Variants in CPXM2 observed in about 807,000 individuals in gnomAD.
CPXM2 encodes carboxypeptidase X, M14 family member 2, also known as inactive carboxypeptidase-like protein X2.
In CPXM2, 66 loss-of-function variants were observed where a neutral mutation model predicts 86.1. That is an observed-to-expected ratio of 0.77 (90% CI 0.63 to 0.94). The LOEUF is 0.94. Ranked by LOEUF, CPXM2 falls within the 40% of genes least tolerant of loss-of-function variation. The pLI, the probability that CPXM2 is intolerant of heterozygous loss-of-function variation, is 0.00. For synonymous variants in CPXM2, 388 were observed against 400.2 expected (o/e 0.97, Z 0.36); for missense variants, 948 against 1,026.3 (o/e 0.92, Z 1.04).
intron 2 of CPXM2, among the ~76,000 whole-genome samples, chr10:123,910,990 GTGTGTC>G (rs974293462): frequency 3.1e-4 from 47 of 152,182 alleles, no homozygotes; most frequent in African/African-American, 7.5e-4. Context: ...CACTCCCCTC[GTGTGTC>G]TGTGTCTGTG....
chr10:123,838,751 G>A (rs1461860566), intron 4 of CPXM2, among the ~76,000 whole-genome samples: 1 of 152,152 alleles, frequency 6.6e-6, no homozygotes, highest in Non-Finnish European at 1.5e-5. Context: ...GCTTGTCTTG[G>A]TGTGAATTCC....
intron 1 of CPXM2, among the ~76,000 whole-genome samples, chr10:123,882,383 G>T (rs1352591366): frequency 6.6e-6 from 1 of 152,152 alleles, no homozygotes; most frequent in Non-Finnish European, 1.5e-5. Context: ...CTGTGGGCGG[G>T]AACATCCCGG....
rs1945005383 is a variant in CPXM2 at position 123,877,381 on chromosome 10, T to A, written c.403+2830A>T. On this transcript the variant is annotated intron_variant, in intron 2 of 13. Coordinates refer to ENST00000241305, the MANE Select transcript of CPXM2 (RefSeq NM_198148.3). ...TGTATAACAAGCAACCCCTAACTCT[T>A]AATGGCACACAATTCGCATTTACTT... is the stretch of plus-strand genomic sequence containing the variant. 2.6e-5 allele frequency among the ~76,000 whole-genome samples: 4 copies of A among 152,362 alleles called. No homozygotes were observed. The South Asian group carries it at 8.3e-4, about 32-fold the overall frequency.
In CPXM2 at chr10:123,915,089, G is replaced by A. The variant is rs553834918; in HGVS notation, n.174+24388C>T. Among the ~76,000 whole-genome samples the A allele has an allele frequency of 2.9e-4, 44 of 152,094 alleles. No individual in the cohort carries two copies. The South Asian group carries it at 3.1e-3, about 11-fold the overall frequency. ...CTGATGCCTTCCTCACTTCTCCCCC[G>A]CCTAGATCCTTTCAGTTTCTCAAAT... is the stretch of plus-strand genomic sequence containing the variant. On this transcript the variant is annotated intron_variant and non_coding_transcript_variant, in intron 2 of 19. Transcript: ENST00000368854.
chr10:123,880,121 T>A, intron 2 of CPXM2, 90 bp downstream of exon 2: 1 of 683,484 alleles, frequency 1.5e-6, no homozygotes, highest in Non-Finnish European at 2.6e-6. Context: ...GAATCTGTAG[T>A]CAGGCTGCTG....
intron 1 of CPXM2, among the ~76,000 whole-genome samples, chr10:123,880,689 C>T (rs948033190): frequency 8.6e-5 from 13 of 151,868 alleles, no homozygotes; most frequent in South Asian, 2.1e-4. Context: ...ATTAGCCAGG[C>T]ATGGTGGCGG....
chr10:123,799,791 C>T (rs972700323), intron 4 of CPXM2, among the ~76,000 whole-genome samples: 2 of 152,150 alleles, frequency 1.3e-5, no homozygotes, highest in Non-Finnish European at 2.9e-5. Context: ...ATAAATACCC[C>T]CATCATCACA....
intron 8 of CPXM2, among the ~76,000 whole-genome samples, chr10:123,770,223 G>A (rs1028768842): frequency 2.6e-5 from 4 of 152,110 alleles, no homozygotes; most frequent in Non-Finnish European, 4.4e-5. Context: ...TCCATGAGCC[G>A]AGATTGTGCC....
intron 2 of CPXM2, among the ~76,000 whole-genome samples, chr10:123,907,839 G>C (rs1295955463): frequency 6.6e-6 from 1 of 151,866 alleles, no homozygotes; most frequent in African/African-American, 2.4e-5. Flanking sequence ...GGGACTAGGG[G>C]GATTGTGCTA....
intron 13 of CPXM2, among the ~76,000 whole-genome samples, chr10:123,749,800 G>A (rs756101542): frequency 2.6e-5 from 4 of 152,000 alleles, no homozygotes; most frequent in South Asian, 2.1e-4. Flanking sequence ...CCTAGAGTTC[G>A]TTTCTTGTTT....
chr10:123,793,765 T>C (rs954891263), intron 6 of CPXM2, among the ~76,000 whole-genome samples: 3 of 152,178 alleles, frequency 2.0e-5, no homozygotes, highest in African/African-American at 7.2e-5. Flanking sequence ...AGTCCAGGCC[T>C]GGGGACCAAA....
At chr10:123,864,933 AG>A (rs561255115) in intron 2 of CPXM2, among the ~76,000 whole-genome samples, 113 of 152,328 alleles carry the variant, frequency 7.4e-4, no homozygotes, top group African/African-American at 2.5e-3. Context: ...AGTGCCCCCA[AG>A]TGAGGTGTTT....
intron 12 of CPXM2, 129 bp downstream of exon 12, chr10:123,757,084 G>A (rs1008937819): frequency 4.2e-5 from 34 of 815,862 alleles, no homozygotes; most frequent in African/African-American, 1.4e-4. Context: ...GTGGCTCCTC[G>A]CAGCACTGTG....
At chr10:123,819,492 A>T (rs1847882468) in intron 4 of CPXM2, among the ~76,000 whole-genome samples, 2 of 152,218 alleles carry the variant, frequency 1.3e-5, no homozygotes, top group South Asian at 4.1e-4. Context: ...AATTATCATG[A>T]GTATTTCCTC....
intron 6 of CPXM2, among the ~76,000 whole-genome samples, chr10:123,788,879 A>AG (rs954854564): frequency 0.014 from 2 of 148 alleles, no homozygotes; most frequent in African/African-American, 0.029. Flanking sequence ...ACCTTGATTG[A>AG]AAAAAAAAAA....
intron 3 of CPXM2, among the ~76,000 whole-genome samples, chr10:123,847,916 G>A (rs1008090951): frequency 6.6e-6 from 1 of 152,106 alleles, no homozygotes; most frequent in Non-Finnish European, 1.5e-5. Context: ...ATCATGGGCT[G>A]CCTCTACACA....
intron 6 of CPXM2, among the ~76,000 whole-genome samples, chr10:123,788,504 C>A (rs899850021): frequency 6.6e-6 from 1 of 152,168 alleles, no homozygotes; most frequent in Middle Eastern, 3.2e-3. Flanking sequence ...GCCCAATCAA[C>A]CAGTAGGGAA....
chr10:123,801,408 G>A (rs895245991), intron 4 of CPXM2, among the ~76,000 whole-genome samples: 6 of 151,940 alleles, frequency 3.9e-5, no homozygotes, highest in South Asian at 2.1e-4. Context: ...ACCTAGTCTC[G>A]GGTATTTCTC....
intron 2 of CPXM2, among the ~76,000 whole-genome samples, chr10:123,935,612 G>A (rs1945708411): frequency 6.6e-6 from 1 of 152,180 alleles, no homozygotes; most frequent in South Asian, 2.1e-4. Flanking sequence ...CCCCAGTGTG[G>A]TGCCTGACAC....
Sources: gnomAD v4.1 joint callset for allele counts (sites outside exome capture counted in the v4.1 genomes callset) on GRCh38, gnomAD v4.1.1 for gene constraint, MANE v1.5 for transcripts, NCBI Gene and HGNC (gene_info 2026-07-23, HGNC 2026-07-21) for gene names.